The following SPIDR variants were observed in gnomAD, a reference collection of about 807,000 sequenced individuals.
The protein encoded by SPIDR is DNA repair-scaffolding protein.
A neutral mutation model predicts 104.6 loss-of-function variants in SPIDR; 93 were observed. The ratio of observed to expected loss-of-function variants is 0.89; its 90% confidence interval spans 0.75 to 1.06. The LOEUF is 1.06. SPIDR is among the 50% of genes least tolerant of loss of function. SPIDR has a pLI of 0.00. For missense variants in SPIDR, 1,154 were observed against 1,111.2 expected, an observed-to-expected ratio of 1.04 and a Z score of -0.55; for synonymous variants, 431 against 416.9, an observed-to-expected ratio of 1.03 and a Z score of -0.41.
At chr8:47,636,078 A>G (rs1417557437) in intron 10 of SPIDR, among the ~76,000 whole-genome samples, 3 of 152,204 alleles carry the variant, frequency 2.0e-5, no homozygotes, top group Non-Finnish European at 1.5e-5. Context: ...AAGCAGTTCT[A>G]TCAGTATCAT....
At chr8:47,643,588 A>G (rs1438078601) in intron 10 of SPIDR, among the ~76,000 whole-genome samples, 2 of 151,326 alleles carry the variant, frequency 1.3e-5, no homozygotes, top group Non-Finnish European at 2.9e-5. Flanking sequence ...CTGCTCTCAA[A>G]CTCCTAGGCT....
At chr8:47,614,124 G>T (rs1266711584) in intron 10 of SPIDR, among the ~76,000 whole-genome samples, 3 of 152,060 alleles carry the variant, frequency 2.0e-5, no homozygotes, top group African/African-American at 7.2e-5. Context: ...TGTAGCGTTT[G>T]GTTTTCTGTT....
chr8:47,685,509 A>ATTTTTTTTTTT lies in SPIDR; in HGVS notation c.1685+11571_1685+11572insTTTTTTTTTTT, dbSNP rs79918303. 3.6e-4 allele frequency among the ~76,000 whole-genome samples: 39 copies of ATTTTTTTTTTT among 106,930 alleles called. 1 individual carries two copies. Among genetic ancestry groups the ATTTTTTTTTTT allele is most frequent in the Non-Finnish European group, 5.9e-4 (26 of 43,774 alleles). The allele number at this position is 106,930 out of a possible 152,430, so 70.2% of individuals were successfully genotyped here. A position where few individuals can be genotyped will look rare whatever the true frequency, so the allele number is the denominator to read the frequency against. ...TATTTATTTATTTATTTATTTATTT[A>ATTTTTTTTTTT]TTTATTTATTTTTTTGAGACAGTCT... On this transcript the variant is annotated intron_variant, in intron 11 of 19. Transcript: ENST00000297423.
At chr8:47,704,734 G>A (rs939315361) in intron 14 of SPIDR, among the ~76,000 whole-genome samples, 8 of 152,126 alleles carry the variant, frequency 5.3e-5, no homozygotes, top group African/African-American at 1.9e-4. Flanking sequence ...CAGCTGATCA[G>A]TGCCTCTCAT....
chr8:47,652,406 G>A (rs2071823012), intron 10 of SPIDR, among the ~76,000 whole-genome samples: 1 of 152,214 alleles, frequency 6.6e-6, no homozygotes, highest in African/African-American at 2.4e-5. Context: ...GAAAGGGCAG[G>A]CTGGGCAGGC....
intron 11 of SPIDR, among the ~76,000 whole-genome samples, chr8:47,681,543 A>G (rs1351742359): frequency 1.3e-5 from 2 of 152,202 alleles, no homozygotes; most frequent in Non-Finnish European, 2.9e-5. Flanking sequence ...TATTTTTACT[A>G]GTGAGTCTAA....
intron 10 of SPIDR, among the ~76,000 whole-genome samples, chr8:47,621,920 G>A (rs544438652): frequency 2.6e-5 from 4 of 152,302 alleles, no homozygotes; most frequent in South Asian, 4.1e-4. Flanking sequence ...ACTGGAGATC[G>A]TGCCATTGCA....
At chr8:47,528,370 A>G (rs563961035) in intron 8 of SPIDR, among the ~76,000 whole-genome samples, 8 of 152,198 alleles carry the variant, frequency 5.3e-5, no homozygotes, top group Non-Finnish European at 1.2e-4. Context: ...GTCTCACACA[A>G]TATATCATTG....
chr8:47,499,987 G>C (rs1234856799), intron 8 of SPIDR, among the ~76,000 whole-genome samples: 3 of 152,036 alleles, frequency 2.0e-5, no homozygotes, highest in Non-Finnish European at 2.9e-5. Context: ...CTTTTTTATG[G>C]CTGCATAGTA....
intron 8 of SPIDR, among the ~76,000 whole-genome samples, chr8:47,588,047 A>ACGTGTG (rs2060486661): frequency 1.7e-5 from 1 of 60,404 alleles, no homozygotes; most frequent in African/African-American, 9.7e-5. Flanking sequence ...ATATATATAT[A>ACGTGTG]TATATATATA....
Position 47,314,008 on chromosome 8 carries a change from A to G in SPIDR, c.525+19978A>G, listed in dbSNP as rs143905713. On this transcript the variant is annotated intron_variant, in intron 5 of 19. Coordinates refer to ENST00000297423, the MANE Select transcript of SPIDR (RefSeq NM_001080394.4). ...AACTTCAGGAATGAAGAGCACTGCA[A>G]TTGGTAAAAATGTAAGTCTTCCCCA... Among the ~76,000 whole-genome samples, 835 of 152,336 alleles carry G rather than the reference A, an allele frequency of 5.5e-3. 28 individuals carry two copies. Among genetic ancestry groups the G allele is most frequent in the Non-Finnish European group, 1.5e-3 (103 of 68,036 alleles).
chr8:47,731,281 C>A (rs1170059146), intron 19 of SPIDR, among the ~76,000 whole-genome samples: 1 of 151,998 alleles, frequency 6.6e-6, no homozygotes, highest in African/African-American at 2.4e-5. Context: ...GCTTCTGCTC[C>A]CTCCTGGCAC....
intron 7 of SPIDR, among the ~76,000 whole-genome samples, chr8:47,424,957 A>G (rs1554683656): frequency 6.6e-6 from 1 of 152,198 alleles, no homozygotes; most frequent in Admixed American, 6.5e-5. Context: ...TACAGACATT[A>G]ACCACCTTGC....
intron 5 of SPIDR, among the ~76,000 whole-genome samples, chr8:47,306,656 C>T (rs1399536649): frequency 1.3e-5 from 2 of 152,200 alleles, no homozygotes; most frequent in African/African-American, 2.4e-5. Flanking sequence ...TACTTATCTT[C>T]GATCTGGTTA....
At chr8:47,601,742 G>C (rs1469478421) in intron 10 of SPIDR, among the ~76,000 whole-genome samples, 1 of 152,174 alleles carries the variant, frequency 6.6e-6, no homozygotes. Context: ...TTTAGATTAA[G>C]GCTGACCCAG....
chr8:47,618,633 C>G (rs2064686414), intron 10 of SPIDR, among the ~76,000 whole-genome samples: 1 of 152,092 alleles, frequency 6.6e-6, no homozygotes, highest in Admixed American at 6.6e-5. Flanking sequence ...GTTTTAAAAA[C>G]CCGCATATAA....
At chr8:47,707,926 A>G (rs979288989) in intron 14 of SPIDR, among the ~76,000 whole-genome samples, 1 of 152,190 alleles carries the variant, frequency 6.6e-6, no homozygotes. Context: ...GGAGAGATCT[A>G]TTTTTTCCTG....
chr8:47,346,541 G>A (rs1587426664), intron 5 of SPIDR, among the ~76,000 whole-genome samples: 2 of 152,276 alleles, frequency 1.3e-5, no homozygotes, highest in African/African-American at 4.8e-5. Flanking sequence ...CAGAAGGAAT[G>A]GTGCCAGCTC....
At chr8:47,519,263 G>A (rs890424408) in intron 8 of SPIDR, among the ~76,000 whole-genome samples, 4 of 152,142 alleles carry the variant, frequency 2.6e-5, no homozygotes, top group Non-Finnish European at 5.9e-5. Context: ...TCCTGCATCA[G>A]CCTCCTGAGT....
Sources: allele counts gnomAD v4.1 joint callset (sites outside exome capture counted in the v4.1 genomes callset), GRCh38; gene constraint gnomAD v4.1.1; transcripts MANE v1.5; gene names NCBI Gene and HGNC (gene_info 2026-07-23, HGNC 2026-07-21).